PPFIA3: variants seen among roughly 807,000 people sequenced by gnomAD.
PPFIA3 encodes the protein liprin-alpha-3.
PPFIA3 carries 26 observed loss-of-function variants against 145.8 expected under a neutral mutation model. That is an observed-to-expected ratio of 0.18 (90% CI 0.13 to 0.25). The LOEUF is 0.25. Ranked by LOEUF, PPFIA3 falls within the 10% of genes least tolerant of loss-of-function variation. The pLI is 1.00. For synonymous variants in PPFIA3, 645 were observed against 661.4 expected, an observed-to-expected ratio of 0.98 and a Z score of 0.38; for missense variants, 1,008 against 1,587.8, an observed-to-expected ratio of 0.63 and a Z score of 6.21.
rs777049624 is a variant in PPFIA3 at position 49,142,120 on chromosome 19, TG to T, written c.2544+9del. On this transcript the variant is annotated splice_donor_region_variant and intron_variant, in intron 20 of 29. Transcript: ENST00000334186. ...ACCGTGGTGTCCTGGCTGGAGGTAC[TG>T]GGGCCCAGAAATGCCCTGACTGTTG... 6.4e-7 allele frequency: 1 copy of T among 1,565,778 alleles called. No homozygotes were observed.
Position 49,143,279 on chromosome 19 carries a change from T to C in PPFIA3, c.2745+275T>C, listed in dbSNP as rs1456862787. Among the ~76,000 whole-genome samples the C allele has an allele frequency of 2.0e-5, 3 of 152,378 alleles. No individual in the cohort carries two copies. In the South Asian group the frequency reaches 6.2e-4, roughly 32 times the overall value. On this transcript the variant is annotated intron_variant, in intron 21 of 29. Coordinates refer to ENST00000334186, the MANE Select transcript of PPFIA3 (RefSeq NM_003660.4). ...ATGTCACCACCTCTAAGAAGCTTTC[T>C]TTGTCAGCTAAACGAGTTTCCCCAT...
In PPFIA3 at chr19:49,148,973, A is replaced by T; in HGVS notation, c.3110-20A>T. The stretch of plus-strand genomic sequence containing the variant: ...CCAGGCCACGGGAGGGGCACGGCTG[A>T]GGGTCCCTTCCGTCCCCAGACGTGA... On this transcript the variant is annotated intron_variant, in intron 25 of 29. Coordinates refer to ENST00000334186, the MANE Select transcript of PPFIA3 (RefSeq NM_003660.4). The T allele has an allele frequency of 6.2e-7, 1 of 1,611,130 alleles. No homozygotes were observed. The highest frequency in any genetic ancestry group is 1.7e-5 in the Admixed American group (1 of 59,928).
In PPFIA3 at chr19:49,120,006, C is replaced by T. The variant is rs1185468347; in HGVS notation, c.-16+284C>T. On this transcript the variant is annotated intron_variant, in intron 1 of 29. Coordinates refer to ENST00000334186, the MANE Select transcript of PPFIA3 (RefSeq NM_003660.4). The surrounding 1 kb of genome is among the most constrained non-coding windows in gnomAD (Gnocchi z 4.6). ...GGACCCCTCCTAGAGCCTAGATCCC[C>T]CTTCCTGACCCTGTCCTGGGAGCTC... is the stretch of plus-strand genomic sequence containing the variant. 1.3e-5 allele frequency among the ~76,000 whole-genome samples: 2 copies of T among 152,030 alleles called. No homozygotes were observed. The highest frequency in any genetic ancestry group is 4.8e-5 in the African/African-American group (2 of 41,408).
intron 15 of PPFIA3, among the ~76,000 whole-genome samples, chr19:49,137,656 A>AAAAAG (rs2041156894): frequency 7.9e-6 from 1 of 126,940 alleles, no homozygotes; most frequent in Non-Finnish European, 1.7e-5. Flanking sequence ...AAAAAAAAAA[A>AAAAAG]AAGTCCCCAA....
Position 49,138,445 on chromosome 19 carries a change from T to C in PPFIA3, c.2076+18T>C, listed in dbSNP as rs2041169137. ...ACAAGGCTGTGAGTGCTCTGAAGTC[T>C]CCCCAGCCTAGTAGGGGGATGGGGA... On this transcript the variant is annotated intron_variant, in intron 16 of 29. Coordinates refer to ENST00000334186, the MANE Select transcript of PPFIA3 (RefSeq NM_003660.4). The C allele has an allele frequency of 2.0e-6, 3 of 1,490,556 alleles. No homozygotes were observed. The highest frequency in any genetic ancestry group is 2.8e-5 in the African/African-American group (2 of 71,656). 92.3% of individuals were successfully genotyped at this position (1,490,556 alleles called of 1,614,324 possible).
chr19:49,140,068 G>C lies in PPFIA3; in HGVS notation c.2348G>C (p.Gly783Ala), dbSNP rs2041198829. 4 of 1,613,982 alleles carry C rather than the reference G, an allele frequency of 2.5e-6. No individual in the cohort carries two copies. The highest frequency in any genetic ancestry group is 3.4e-6 in the Non-Finnish European group (4 of 1,180,048). Reference protein sequence around the residue: ...KKEKGRMGPPGRDSSSLAGTP... With the variant: ...KKEKGRMGPPARDSSSLAGTP... ...GAGAAGGGACGAATGGGACCCCCAGGCCGGGACAGCTCTTCTCTGGGTGAG... is the reference window on the plus strand; with the variant it reads ...GAGAAGGGACGAATGGGACCCCCAGCCCGGGACAGCTCTTCTCTGGGTGAG... The change falls in exon 18 of 30, where the codon GGC becomes GCC. Residue 783 changes from glycine to alanine, a missense_variant. Transcript: ENST00000334186.
Position 49,139,731 on chromosome 19 carries a change from A to G in PPFIA3, c.2140A>G (p.Thr714Ala). 1 of 1,613,520 alleles carries G rather than the reference A, an allele frequency of 6.2e-7. No individual in the cohort carries two copies. The highest frequency in any genetic ancestry group is 8.5e-7 in the Non-Finnish European group (1 of 1,179,754). ...RGEGPAIPGD[T>A]PPPTPRSARL... ...GGAGGGGCCGGCCATCCCAGGAGAC[A>G]CCCCACCACCCACTCCCCGCTCTGC... Residue 714 changes from threonine (T) to alanine (A), a missense_variant, in exon 17 of 30, where the codon ACC becomes GCC. Physicochemically the swap from Thr to Ala is moderately conservative, Grantham distance 58. This residue lies in a region of PPFIA3 where 202 missense variants were observed against 241.8 expected (regional missense o/e 0.84). Transcript: ENST00000334186.
Position 49,128,512 on chromosome 19 carries a change from G to A in PPFIA3, c.342+44G>A. The A allele has an allele frequency of 1.3e-6, 2 of 1,541,680 alleles. No individual in the cohort carries two copies. Among genetic ancestry groups the A allele is most frequent in the Non-Finnish European group, 1.8e-6 (2 of 1,119,996 alleles). On this transcript the variant is annotated intron_variant, in intron 3 of 29. Coordinates refer to ENST00000334186, the MANE Select transcript of PPFIA3 (RefSeq NM_003660.4). The surrounding 1 kb of genome is among the most constrained non-coding windows in gnomAD (Gnocchi z 4.1). ...GGGGCCTAAGTGGGGGCGGGGCCTC[G>A]TGGTGTTGAAGTGGGGGGCGGGGCC...
In PPFIA3 at chr19:49,140,639, C is replaced by CTTT. The variant is rs4002348; in HGVS notation, c.2368+577_2368+579dup. ...GTGCTGGGATTACAGACTCATTTAC[C>CTTT]TTTTTTTTTTTTTTTTTTTTTTTTT... On this transcript the variant is annotated intron_variant, in intron 18 of 29. Transcript: ENST00000334186. Among the ~76,000 whole-genome samples, 115 of 63,832 alleles carry CTTT rather than the reference C, an allele frequency of 1.8e-3. 2 individuals carry two copies. The highest frequency in any genetic ancestry group is 4.9e-3 in the African/African-American group (63 of 12,748). The allele number at this position is 63,832 out of a possible 152,430, so 41.9% of individuals were successfully genotyped here. A position where few individuals can be genotyped will look rare whatever the true frequency, so the allele number is the denominator to read the frequency against.
chr19:49,127,113 G>A (rs2041008349), intron 1 of PPFIA3, among the ~76,000 whole-genome samples: 1 of 150,456 alleles, frequency 6.6e-6, no homozygotes, highest in African/African-American at 2.4e-5. Context: ...GTCAGGCGCG[G>A]TGGCTCACGT....
In PPFIA3 at chr19:49,128,484, G is replaced by A. The variant is rs898252754; in HGVS notation, c.342+16G>A. 1.2e-6 allele frequency: 2 copies of A among 1,608,420 alleles called. No individual in the cohort carries two copies. The highest frequency in any genetic ancestry group is 1.7e-6 in the Non-Finnish European group (2 of 1,176,356). On this transcript the variant is annotated intron_variant, in intron 3 of 29. Coordinates refer to ENST00000334186, the MANE Select transcript of PPFIA3 (RefSeq NM_003660.4). This position sits in a 1 kb window ranked among gnomAD's most constrained non-coding sequence, Gnocchi z 4.1. ...CAACACGCGGGTGAGGGGTGTTGAG[G>A]GCGGGGCCTAAGTGGGGGCGGGGCC...
Position 49,138,390 on chromosome 19 carries a change from C to T in PPFIA3, c.2039C>T (p.Ala680Val), listed in dbSNP as rs200181854. 1.0e-4 allele frequency: 162 copies of T among 1,588,378 alleles called. No homozygotes were observed. The highest frequency in any genetic ancestry group is 9.4e-5 in the Non-Finnish European group (110 of 1,166,448). ...PSSGHSTPRL[A>V]PPSPAREGTD... is the part of the protein sequence containing the mutation. ...TCTGGCCACTCAACACCCCGCCTGG[C>T]ACCCCCTAGCCCTGCCCGTGAGGGC... Residue 680 changes from alanine (A) to valine (V), a missense_variant, in exon 16 of 30, where the codon GCA becomes GTA. Coordinates refer to ENST00000334186, the MANE Select transcript of PPFIA3 (RefSeq NM_003660.4).
At position 49,135,458 on chromosome 19, in the gene PPFIA3, C is replaced by T. The variant is rs567944042; in HGVS notation, c.1521-321C>T. 5.6e-4 allele frequency among the ~76,000 whole-genome samples: 86 copies of T among 152,264 alleles called. 1 individual carries two copies. Among genetic ancestry groups the T allele is most frequent in the African/African-American group, 2.0e-3 (83 of 41,548 alleles). On this transcript the variant is annotated intron_variant, in intron 13 of 29. Transcript: ENST00000334186. ...CATGATCTCAGCTCACTGCAACCTC[C>T]GCCTCCCCGGTTCAAGTGATTCTCC...
chr19:49,142,264 C>T, intron 20 of PPFIA3, 149 bp downstream of exon 20: 1 of 661,458 alleles, frequency 1.5e-6, no homozygotes, highest in Non-Finnish European at 2.6e-6. Context: ...CCCAGGAGGG[C>T]TCGGGCTTCC....
Position 49,142,396 on chromosome 19 carries a change from T to A in PPFIA3, c.2544+281T>A, listed in dbSNP as rs565171728. ...CTCTTTCTGGATTCTCTGTCTCTAT[T>A]TTTCGGCACCATTCCCATCTCTGAC... On this transcript the variant is annotated intron_variant, in intron 20 of 29. Coordinates refer to ENST00000334186, the MANE Select transcript of PPFIA3 (RefSeq NM_003660.4). Among the ~76,000 whole-genome samples, 5 of 152,218 alleles carry A rather than the reference T, an allele frequency of 3.3e-5. No homozygotes were observed. In the South Asian group the frequency reaches 1.0e-3, roughly 32 times the overall value.
rs374148326 is a variant in PPFIA3, at chr19:49,148,187, C to T, written c.2940C>T (p.Asp980=). 1.4e-4 allele frequency: 232 copies of T among 1,614,072 alleles called. 1 individual carries two copies. The highest frequency in any genetic ancestry group is 2.0e-4 in the African/African-American group (15 of 74,932). ...YRSYFMESLV[D]ARMLDHLNKK... is the part of the protein sequence containing the mutation. The stretch of plus-strand genomic sequence containing the variant: ...GCTACTTCATGGAGTCGCTGGTGGA[C>T]GCTCGAATGTTAGATCACCTTAACA... Residue 980 remains aspartate (D), a synonymous_variant, in exon 24 of 30, where the codon GAC becomes GAT. Coordinates refer to ENST00000334186, the MANE Select transcript of PPFIA3 (RefSeq NM_003660.4).
Position 49,133,033 on chromosome 19 carries a change from G to A in PPFIA3, c.912G>A (p.Arg304=). 1 of 1,612,726 alleles carries A rather than the reference G, an allele frequency of 6.2e-7. No homozygotes were observed. The highest frequency in any genetic ancestry group is 8.5e-7 in the Non-Finnish European group (1 of 1,179,906). ...ALAQREDMEE[R]ITTLEKRYLS... ...CGCAGCGGGAAGATATGGAGGAGCG[G>A]ATTACAACACTGGAGAAGCGCTACC... The change falls in exon 8 of 30, where the codon CGG becomes CGA. Residue 304 remains arginine, a synonymous_variant. Coordinates refer to ENST00000334186, the MANE Select transcript of PPFIA3 (RefSeq NM_003660.4). This position sits in a 1 kb window ranked among gnomAD's most constrained non-coding sequence, Gnocchi z 7.2.
intron 23 of PPFIA3, 43 bp downstream of exon 23, chr19:49,146,235 G>A (rs2041279184): frequency 6.2e-7 from 1 of 1,606,584 alleles, no homozygotes; most frequent in East Asian, 2.2e-5. Context: ...AACAGGCTGT[G>A]CACGACGCAT....
Position 49,139,714 on chromosome 19 carries a change from C to T in PPFIA3, c.2123C>T (p.Pro708Leu), listed in dbSNP as rs775845994. The T allele has an allele frequency of 1.6e-5, 25 of 1,612,596 alleles. No individual in the cohort carries two copies. The highest frequency in any genetic ancestry group is 6.7e-5 in the African/African-American group (5 of 74,848). The change falls in exon 17 of 30, where the codon CCG becomes CTG. Residue 708 changes from proline (P) to leucine (L), a missense_variant. This residue lies in a region of PPFIA3 where 202 missense variants were observed against 241.8 expected (regional missense o/e 0.84). Coordinates refer to ENST00000334186, the MANE Select transcript of PPFIA3 (RefSeq NM_003660.4). ...GCTGGAGCTCCACGAGGGGAGGGGC[C>T]GGCCATCCCAGGAGACACCCCACCA... ...EEAGAPRGEG[P>L]AIPGDTPPPT...
Sources: allele counts gnomAD v4.1 joint callset (sites outside exome capture counted in the v4.1 genomes callset), GRCh38; gene constraint gnomAD v4.1.1; regional missense constraint gnomAD v4.1.1; non-coding constraint Gnocchi (gnomAD v3.1); transcripts MANE v1.5; gene names NCBI Gene and HGNC (gene_info 2026-07-23, HGNC 2026-07-21).